TOP6BL: variants seen among roughly 807,000 people sequenced by gnomAD.
The protein encoded by TOP6BL is TOP6B like initiator of meiotic double strand breaks, also known as type 2 DNA topoisomerase 6 subunit B-like.
At chr11:66,803,952 A>G in the TOP6BL span, 3 of 1,506,526 alleles carry the variant, frequency 2.0e-6, no homozygotes, top group Non-Finnish European at 2.7e-6. Flanking sequence ...ATAATTTCTT[A>G]AGAGGAAAAA....
chr11:66,746,546 C>G, the TOP6BL span, among the ~76,000 whole-genome samples: 11 of 152,126 alleles, frequency 7.2e-5, no homozygotes, highest in Admixed American at 2.0e-4. Context: ...GAAACTCCGT[C>G]ACTACTAAAA....
the TOP6BL span, among the ~76,000 whole-genome samples, chr11:66,753,061 G>A: frequency 5.9e-5 from 9 of 152,072 alleles, no homozygotes; most frequent in East Asian, 9.8e-4. Flanking sequence ...CCTGGGAGGC[G>A]GAGGTTGCAG....
At chr11:66,832,591 G>GT in the TOP6BL span, among the ~76,000 whole-genome samples, 1 of 152,308 alleles carries the variant, frequency 6.6e-6, no homozygotes, top group Middle Eastern at 3.4e-3. Context: ...CAGTAAAGCC[G>GT]TTAGTGCTCC....
At chr11:66,764,617 A>G in the TOP6BL span, among the ~76,000 whole-genome samples, 1 of 150,536 alleles carries the variant, frequency 6.6e-6, no homozygotes, top group South Asian at 2.1e-4. Context: ...GTAAGCTGAG[A>G]TCATGCCACT....
chr11:66,842,068 G>A, the TOP6BL span, among the ~76,000 whole-genome samples: 1 of 152,138 alleles, frequency 6.6e-6, no homozygotes, highest in Non-Finnish European at 1.5e-5. Flanking sequence ...GTGGTGGCAT[G>A]CGCCTGTGGT....
At chr11:66,795,276 A>G in the TOP6BL span, among the ~76,000 whole-genome samples, 2 of 151,506 alleles carry the variant, frequency 1.3e-5, no homozygotes, top group African/African-American at 2.4e-5. Flanking sequence ...TATTGTTACC[A>G]TGTATAATAT....
chr11:66,816,058 G>A, the TOP6BL span: 1 of 1,596,790 alleles, frequency 6.3e-7, no homozygotes, highest in Non-Finnish European at 8.5e-7. Flanking sequence ...TCTAGATTTG[G>A]TGCTTCCAGA....
the TOP6BL span, among the ~76,000 whole-genome samples, chr11:66,773,924 A>G: frequency 6.6e-6 from 1 of 151,624 alleles, no homozygotes; most frequent in Non-Finnish European, 1.5e-5. Context: ...TTTAGTAGAG[A>G]CACCATGTTG....
chr11:66,834,883 G>C, the TOP6BL span, among the ~76,000 whole-genome samples: 1 of 152,156 alleles, frequency 6.6e-6, no homozygotes, highest in Admixed American at 6.5e-5. Flanking sequence ...TTTGAACAGA[G>C]ACAGTGGGCC....
the TOP6BL span, among the ~76,000 whole-genome samples, chr11:66,830,680 A>G: frequency 2.6e-5 from 4 of 152,212 alleles, no homozygotes; most frequent in African/African-American, 9.6e-5. Flanking sequence ...AACACAAATT[A>G]TCACTATCAG....
chr11:66,745,310 G>A, the TOP6BL span, among the ~76,000 whole-genome samples: 3 of 131,974 alleles, frequency 2.3e-5, no homozygotes, highest in Non-Finnish European at 4.9e-5. Context: ...GTTGCGGGGC[G>A]GGGTGGGGGG....
the TOP6BL span, among the ~76,000 whole-genome samples, chr11:66,752,291 C>T: frequency 6.6e-6 from 1 of 151,968 alleles, no homozygotes; most frequent in African/African-American, 2.4e-5. Context: ...GATAGTTTGG[C>T]CATATAGGAT....
the TOP6BL span, among the ~76,000 whole-genome samples, chr11:66,774,602 C>T: frequency 1.3e-5 from 2 of 151,996 alleles, no homozygotes; most frequent in South Asian, 2.1e-4. Flanking sequence ...TACAGGCGCC[C>T]GCCACCACGC....
the TOP6BL span, among the ~76,000 whole-genome samples, chr11:66,774,553 A>G: frequency 6.6e-6 from 1 of 152,066 alleles, no homozygotes; most frequent in South Asian, 2.1e-4. Context: ...TCCTGGGTTC[A>G]CGCCATTCTC....
the TOP6BL span, chr11:66,762,080 TC>T: frequency 8.2e-7 from 1 of 1,221,422 alleles, no homozygotes; most frequent in Non-Finnish European, 1.2e-6. Flanking sequence ...CCCATTCAGT[TC>T]CAGCTCCCAA....
At chr11:66,812,365 A>G in the TOP6BL span, among the ~76,000 whole-genome samples, 3 of 151,932 alleles carry the variant, frequency 2.0e-5, no homozygotes, top group Non-Finnish European at 4.4e-5. Flanking sequence ...TTTAGTAGAG[A>G]CGGGGTTTCA....
the TOP6BL span, among the ~76,000 whole-genome samples, chr11:66,819,728 C>G: frequency 0.011 from 1,642 of 152,096 alleles, 37 homozygotes; most frequent in African/African-American, 0.037. Context: ...CATGGCGAAA[C>G]CCCGTCTCTA....
chr11:66,801,058 T>G, the TOP6BL span: 1 of 1,613,932 alleles, frequency 6.2e-7, no homozygotes, highest in African/African-American at 1.3e-5. Flanking sequence ...CTTTGAACCT[T>G]GGGAATGGAA....
chr11:66,758,173 TGTCCCCTC>T, the TOP6BL span: 1 of 979,490 alleles, frequency 1.0e-6, no homozygotes, highest in Non-Finnish European at 1.2e-6. Context: ...CTGATCTTTT[TGTCCCCTC>T]GTTGGTGCCT....
Sources: allele counts gnomAD v4.1 joint callset (sites outside exome capture counted in the v4.1 genomes callset), GRCh38; gene constraint gnomAD v4.1.1; transcripts MANE v1.5; gene names NCBI Gene and HGNC (gene_info 2026-07-23, HGNC 2026-07-21).